The following CDS1 variants were observed in gnomAD, a reference collection of about 807,000 sequenced individuals.
The protein encoded by CDS1 is phosphatidate cytidylyltransferase 1.
Under a neutral mutation model 62.1 loss-of-function variants are expected in CDS1, and 41 were observed. That is an observed-to-expected ratio of 0.66 (90% CI 0.51 to 0.86). CDS1 has a LOEUF of 0.86. Among genes scored for constraint, CDS1 ranks in the 40% least tolerant of loss-of-function variants. The pLI is 0.00. For missense variants in CDS1, 470 were observed against 550.1 expected (o/e 0.85, Z 1.46); for synonymous variants, 185 against 192.6 (o/e 0.96, Z 0.32).
rs537749333 is a variant in CDS1, at chr4:84,587,584, T to A, written c.117+4066T>A. Among the ~76,000 whole-genome samples, 5 of 152,202 alleles carry A rather than the reference T, an allele frequency of 3.3e-5. No homozygotes were observed. The South Asian group carries it at 8.3e-4, about 25-fold the overall frequency. On this transcript the variant is annotated intron_variant, in intron 1 of 12. Transcript: ENST00000295887. ...GGGAAGTGGGCTGGTGAAGATCTAA[T>A]GGGTTGAGTGGGAATGAGTATTGAA...
chr4:84,588,535 T>A (rs1176002778), intron 1 of CDS1, among the ~76,000 whole-genome samples: 2 of 152,098 alleles, frequency 1.3e-5, no homozygotes, highest in Non-Finnish European at 2.9e-5. Flanking sequence ...TTAACCTCCC[T>A]AAAAATTTGG....
chr4:84,583,322 C>T lies in CDS1; in HGVS notation c.-80C>T. The stretch of plus-strand genomic sequence containing the variant: ...AGGGCGCGGCTGCGAGGTGGCGGGG[C>T]GCCCCGCCTGCAGAACCCTGCTTGC... On this transcript the variant is annotated 5_prime_UTR_variant, in exon 1 of 13. Transcript: ENST00000295887. 9.9e-7 allele frequency: 1 copy of T among 1,014,142 alleles called. No homozygotes were observed. Among genetic ancestry groups the T allele is most frequent in the East Asian group, 3.0e-5 (1 of 33,290 alleles). 62.8% of individuals were successfully genotyped at this position (1,014,142 alleles called of 1,614,324 possible). A position where few individuals can be genotyped will look rare whatever the true frequency, so the allele number is the denominator to read the frequency against.
chr4:84,640,607 A>G (rs901022156), intron 9 of CDS1, among the ~76,000 whole-genome samples: 4 of 152,152 alleles, frequency 2.6e-5, no homozygotes, highest in African/African-American at 9.7e-5. Flanking sequence ...AGAGATTACA[A>G]TCTTATTGAT....
intron 1 of CDS1, among the ~76,000 whole-genome samples, chr4:84,588,324 T>G (rs1039375371): frequency 6.6e-6 from 1 of 152,238 alleles, no homozygotes; most frequent in African/African-American, 2.4e-5. Flanking sequence ...GTGTGCAGCT[T>G]CTTTCATAAA....
At chr4:84,604,217 A>G in intron 1 of CDS1, 26 bp from the exon 2 acceptor site, 2 of 1,598,772 alleles carry the variant, frequency 1.3e-6, no homozygotes, top group South Asian at 2.3e-5. Flanking sequence ...GTGATTTTGC[A>G]AAGTAATTTG....
intron 1 of CDS1, among the ~76,000 whole-genome samples, chr4:84,596,608 G>C (rs901613782): frequency 3.9e-5 from 6 of 152,280 alleles, no homozygotes; most frequent in Non-Finnish European, 7.4e-5. Context: ...ACCACGTCAA[G>C]ATCAGTTGAT....
intron 1 of CDS1, among the ~76,000 whole-genome samples, chr4:84,591,142 A>G (rs901032098): frequency 6.6e-6 from 1 of 152,220 alleles, no homozygotes; most frequent in Non-Finnish European, 1.5e-5. Flanking sequence ...AAAAATTAAG[A>G]TATATACACA....
chr4:84,638,924 T>C lies in CDS1; in HGVS notation c.811T>C (p.Leu271=), dbSNP rs1724298612. Residue 271 remains leucine (L), a splice_region_variant and synonymous_variant, in exon 9 of 13, where the codon TTG becomes CTG. Transcript: ENST00000295887. Reference sequence around the variant, plus strand: ...TTTAATTTTATTTGCCCTTTTTTAGTTGTCTCCTAAAAAGACTTGGGAAGG... The same window carrying C: ...TTTAATTTTATTTGCCCTTTTTTAGCTGTCTCCTAAAAAGACTTGGGAAGG... ...FFFGRTPLIK[L]SPKKTWEGFI... The C allele has an allele frequency of 1.3e-6, 2 of 1,518,030 alleles. No homozygotes were observed. The highest frequency in any genetic ancestry group is 1.8e-6 in the Non-Finnish European group (2 of 1,127,488). 94.0% of individuals were successfully genotyped at this position (1,518,030 alleles called of 1,614,324 possible). A position where few individuals can be genotyped will look rare whatever the true frequency, so the allele number is the denominator to read the frequency against.
chr4:84,583,658 C>T, intron 1 of CDS1, 140 bp downstream of exon 1: 1 of 561,910 alleles, frequency 1.8e-6, no homozygotes, highest in East Asian at 3.5e-5. Flanking sequence ...CTGCCTGGCA[C>T]TGCTTCCTCC....
At chr4:84,604,436 T>A in intron 2 of CDS1, 66 bp downstream of exon 2, 3 of 1,534,576 alleles carry the variant, frequency 2.0e-6, no homozygotes, top group Non-Finnish European at 2.6e-6. Context: ...TCCTTGTCCA[T>A]GTAATAAATT....
chr4:84,607,782 A>G (rs944187843), intron 2 of CDS1, among the ~76,000 whole-genome samples: 5 of 152,132 alleles, frequency 3.3e-5, no homozygotes, highest in African/African-American at 1.2e-4. Context: ...TACACTGCAT[A>G]TATGTTACTA....
chr4:84,594,200 A>G (rs1282324664), intron 1 of CDS1, among the ~76,000 whole-genome samples: 9 of 152,160 alleles, frequency 5.9e-5, no homozygotes, highest in African/African-American at 2.2e-4. Context: ...TTAATTACAT[A>G]TGTGCAAAAC....
chr4:84,588,813 C>T (rs770795232), intron 1 of CDS1, among the ~76,000 whole-genome samples: 20 of 152,144 alleles, frequency 1.3e-4, no homozygotes, highest in Admixed American at 3.9e-4. Context: ...GGAGAAGTTG[C>T]AAATCTTGTG....
At chr4:84,589,675 A>G (rs1266174947) in intron 1 of CDS1, among the ~76,000 whole-genome samples, 1 of 152,246 alleles carries the variant, frequency 6.6e-6, no homozygotes, top group Non-Finnish European at 1.5e-5. Context: ...CAACCCAGCC[A>G]GGTGGTAAGA....
intron 1 of CDS1, among the ~76,000 whole-genome samples, chr4:84,591,793 A>G (rs1560463285): frequency 6.6e-6 from 1 of 152,206 alleles, no homozygotes; most frequent in African/African-American, 2.4e-5. Flanking sequence ...GAGAAATCAG[A>G]TGTGTGGTCC....
Position 84,604,279 on chromosome 4 carries a change from T to G in CDS1, c.154T>G (p.Ser52Ala). The stretch of plus-strand genomic sequence containing the variant: ...TGATGACAGATATGGAGATTTGGAT[T>G]CCAGAACAGATTCTGATATTCCGGA... ...DIDDRYGDLD[S>A]RTDSDIPEIP... The change falls in exon 2 of 13, where the codon TCC (serine) becomes GCC (alanine). Residue 52 changes from serine (S) to alanine (A), a missense_variant. By Grantham distance (99) the Ser-to-Ala change is moderately conservative. Transcript: ENST00000295887. 6.2e-7 allele frequency: 1 copy of G among 1,612,716 alleles called. No individual in the cohort carries two copies. The highest frequency in any genetic ancestry group is 8.5e-7 in the Non-Finnish European group (1 of 1,178,904).
intron 1 of CDS1, among the ~76,000 whole-genome samples, chr4:84,601,172 CAAAAAAA>C (rs59688950): frequency 4.5e-5 from 4 of 88,284 alleles, no homozygotes; most frequent in Non-Finnish European, 8.6e-5. Context: ...GACCCTGTCT[CAAAAAAA>C]AAAAAAAAGA....
chr4:84,608,719 A>G (rs1308269393), intron 2 of CDS1, among the ~76,000 whole-genome samples: 6 of 151,974 alleles, frequency 3.9e-5, no homozygotes, highest in Non-Finnish European at 7.4e-5. Context: ...TCATGACTGT[A>G]TTCATCTGCC....
chr4:84,627,010 T>C (rs1723883221), intron 5 of CDS1, among the ~76,000 whole-genome samples: 1 of 152,214 alleles, frequency 6.6e-6, no homozygotes, highest in Non-Finnish European at 1.5e-5. Context: ...AAATAGAAAG[T>C]ATGCTAACAT....
Sources: gnomAD v4.1 joint callset for allele counts (sites outside exome capture counted in the v4.1 genomes callset) on GRCh38, gnomAD v4.1.1 for gene constraint, MANE v1.5 for transcripts, NCBI Gene and HGNC (gene_info 2026-07-23, HGNC 2026-07-21) for gene names.